Variants in FRMD4B observed in about 807,000 individuals in gnomAD.
FRMD4B encodes FERM domain-containing protein 4B.
A neutral mutation model predicts 141.5 loss-of-function variants in FRMD4B; 74 were observed. That is an observed-to-expected ratio of 0.52 (90% confidence interval 0.43 to 0.63). FRMD4B has a LOEUF of 0.63. Among genes scored for constraint, FRMD4B ranks in the 30% least tolerant of loss-of-function variants. The pLI, the probability that FRMD4B is intolerant of heterozygous loss-of-function variation, is 0.00. For synonymous variants in FRMD4B, 506 were observed against 467.9 expected (o/e 1.08, Z -1.05); for missense variants, 1,366 against 1,253.4 (o/e 1.09, Z -1.36).
chr3:69,387,118 G>A (rs6783676), upstream of FRMD4B, among the ~76,000 whole-genome samples: 73,810 of 151,822 alleles, frequency 0.49, 18,393 homozygotes, highest in East Asian at 0.61. Context: ...AAGGAGTCTC[G>A]CCTACCACCA....
At chr3:69,361,128 T>G (rs1703460376) in intron 1 of FRMD4B, among the ~76,000 whole-genome samples, 1 of 152,204 alleles carries the variant, frequency 6.6e-6, no homozygotes, top group Admixed American at 6.5e-5. Flanking sequence ...TAAATATAAT[T>G]TATGTGTTTC....
upstream of FRMD4B, among the ~76,000 whole-genome samples, chr3:69,389,907 TTTC>T (rs1329274448): frequency 9.0e-4 from 76 of 84,328 alleles, 1 homozygote; most frequent in African/African-American, 2.8e-3. Flanking sequence ...TTTTTCTTTC[TTTC>T]TTTTTTTTTT....
chr3:69,443,243 T>C (rs1051370250), intron 1 of FRMD4B, among the ~76,000 whole-genome samples: 1 of 152,160 alleles, frequency 6.6e-6, no homozygotes, highest in African/African-American at 2.4e-5. Flanking sequence ...GGAACCTCCA[T>C]AAAAACCCTG....
intron 5 of FRMD4B, among the ~76,000 whole-genome samples, chr3:69,265,237 A>C (rs2093553151): frequency 9.1e-6 from 1 of 109,880 alleles, no homozygotes; most frequent in Non-Finnish European, 1.8e-5. Context: ...CCTGGGCAAC[A>C]CAGCGAGACT....
intron 1 of FRMD4B, among the ~76,000 whole-genome samples, chr3:69,367,443 A>G (rs1703698609): frequency 6.6e-6 from 1 of 152,218 alleles, no homozygotes. Flanking sequence ...CCATAACAAT[A>G]CACATACATA....
intron 9 of FRMD4B, among the ~76,000 whole-genome samples, chr3:69,219,219 G>A (rs1206138158): frequency 6.6e-6 from 1 of 150,938 alleles, no homozygotes; most frequent in East Asian, 1.9e-4. Flanking sequence ...GCCACTACTT[G>A]CTATTTTTAA....
At chr3:69,507,623 G>A (rs1251367194) in intron 1 of FRMD4B, among the ~76,000 whole-genome samples, 3 of 152,154 alleles carry the variant, frequency 2.0e-5, no homozygotes, top group Non-Finnish European at 4.4e-5. Context: ...CAGTGCTGTA[G>A]GGGGTACCCT....
At chr3:69,503,249 A>G (rs547983559) in intron 1 of FRMD4B, among the ~76,000 whole-genome samples, 7 of 152,290 alleles carry the variant, frequency 4.6e-5, no homozygotes, top group African/African-American at 1.2e-4. Flanking sequence ...TGTTTATTGC[A>G]GCACTATTCA....
At chr3:69,402,596 T>G (rs186113545) in intron 2 of FRMD4B, among the ~76,000 whole-genome samples, 125 of 152,288 alleles carry the variant, frequency 8.2e-4, no homozygotes, top group Non-Finnish European at 1.5e-3. Flanking sequence ...ACACAGTATC[T>G]CAGATATAGG....
intron 1 of FRMD4B, among the ~76,000 whole-genome samples, chr3:69,468,867 T>C (rs1056184095): frequency 2.2e-4 from 33 of 152,210 alleles, no homozygotes; most frequent in Admixed American, 1.9e-3. Flanking sequence ...TAAATATGTT[T>C]GAGTCCAGGT....
At chr3:69,214,854 T>C (rs2093123228) in intron 11 of FRMD4B, among the ~76,000 whole-genome samples, 1 of 147,788 alleles carries the variant, frequency 6.8e-6, no homozygotes, top group Non-Finnish European at 1.5e-5. Context: ...ACAGCGAGAC[T>C]CCATCTCAAA....
chr3:69,349,267 G>A (rs996425680), intron 1 of FRMD4B, among the ~76,000 whole-genome samples: 6 of 152,204 alleles, frequency 3.9e-5, no homozygotes, highest in Middle Eastern at 3.4e-3. Flanking sequence ...AACTTACAAG[G>A]GATGTGAAAG....
intron 10 of FRMD4B, among the ~76,000 whole-genome samples, chr3:69,218,088 A>T (rs905528289): frequency 6.6e-6 from 1 of 152,186 alleles, no homozygotes; most frequent in Non-Finnish European, 1.5e-5. Flanking sequence ...CCAACTGGAA[A>T]AAAGACCAAT....
intron 9 of FRMD4B, 123 bp downstream of exon 9, chr3:69,221,735 G>A (rs2093196836): frequency 3.0e-6 from 2 of 665,246 alleles, no homozygotes; most frequent in African/African-American, 3.6e-5. Flanking sequence ...CTAATTCACA[G>A]TAAGATATTT....
chr3:69,425,767 C>CT (rs1297409410), intron 2 of FRMD4B, among the ~76,000 whole-genome samples: 3 of 152,042 alleles, frequency 2.0e-5, no homozygotes, highest in East Asian at 1.9e-4. Context: ...TTATTTTTAT[C>CT]TTTTTTTTCA....
rs1226938756 is a variant in FRMD4B at position 69,235,181 on chromosome 3, A to AATG, written c.582-10492_582-10491insCAT. On this transcript the variant is annotated intron_variant, in intron 7 of 22. Transcript: ENST00000398540. ...TAATAATAATAATAATAATAATAAT[A>AATG]ATAATAATAATAATAATATTTTCAA... 2.0e-5 allele frequency among the ~76,000 whole-genome samples: 3 copies of AATG among 146,644 alleles called. No individual in the cohort carries two copies. In the East Asian group the frequency reaches 5.9e-4, roughly 29 times the overall value.
intron 7 of FRMD4B, among the ~76,000 whole-genome samples, chr3:69,246,669 A>G (rs2093427876): frequency 6.6e-6 from 1 of 152,176 alleles, no homozygotes; most frequent in South Asian, 2.1e-4. Flanking sequence ...CGAGGCTCAG[A>G]CAGGATAAGT....
chr3:69,534,005 A>T (rs60352784), intron 1 of FRMD4B, among the ~76,000 whole-genome samples: 34,450 of 152,144 alleles, frequency 0.23, 4,071 homozygotes, highest in Admixed American at 0.27. Flanking sequence ...ACACAAAGTG[A>T]GGTCCACAGA....
chr3:69,378,876 T>G (rs1451673719), intron 1 of FRMD4B, among the ~76,000 whole-genome samples: 1 of 152,040 alleles, frequency 6.6e-6, no homozygotes, highest in African/African-American at 2.4e-5. Flanking sequence ...GAAATACCCT[T>G]CTACCTTCCT....
Sources: allele counts gnomAD v4.1 joint callset (sites outside exome capture counted in the v4.1 genomes callset), GRCh38; gene constraint gnomAD v4.1.1; transcripts MANE v1.5; gene names NCBI Gene and HGNC (gene_info 2026-07-23, HGNC 2026-07-21).